Variants in RNF14 observed in about 807,000 individuals in gnomAD.
RNF14 encodes ring finger protein 14.
In RNF14, 26 loss-of-function variants were observed where a neutral mutation model predicts 52.6. That is an observed-to-expected ratio of 0.49 (90% CI 0.36 to 0.69). The LOEUF (loss-of-function observed/expected upper bound fraction) is 0.69. Among genes scored for constraint, RNF14 ranks in the 30% least tolerant of loss-of-function variants. RNF14 has a pLI of 0.00. For synonymous variants in RNF14, 194 were observed against 202.0 expected (o/e 0.96, Z 0.34); for missense variants, 404 against 560.4 (o/e 0.72, Z 2.82).
At chr5:141,979,233 G>GTTGTTGTTGT (rs1561552736) in intron 5 of RNF14, among the ~76,000 whole-genome samples, 3 of 150,744 alleles carry the variant, frequency 2.0e-5, no homozygotes, top group African/African-American at 7.3e-5. Flanking sequence ...GGTGGTGGTG[G>GTTGTTGTTGT]TGTTGTTGTT....
chr5:141,957,557 G>A (rs781007001), upstream of RNF14: 10 of 1,614,054 alleles, frequency 6.2e-6, no homozygotes, highest in Non-Finnish European at 6.8e-6. This position sits in a 1 kb window ranked among gnomAD's most constrained non-coding sequence, Gnocchi z 4.3. Context: ...TCCCACTGTC[G>A]GCACAGCTGC....
In RNF14 at chr5:141,978,509, A is replaced by G; in HGVS notation, c.513A>G (p.Gly171=). The change falls in exon 5 of 9, where the codon GGA becomes GGG. Residue 171 remains glycine, a synonymous_variant. Coordinates refer to ENST00000394520, the MANE Select transcript of RNF14 (RefSeq NM_004290.5). ...ASPNTELDFG[G]AAGSDVDQEE... ...CCAACACAGAGCTAGATTTTGGAGGAGCTGCTGGATCTGATGTAGACCAAG... is the reference window on the plus strand; with the variant it reads ...CCAACACAGAGCTAGATTTTGGAGGGGCTGCTGGATCTGATGTAGACCAAG... The G allele has an allele frequency of 6.2e-7, 1 of 1,614,168 alleles. No homozygotes were observed. Among genetic ancestry groups the G allele is most frequent in the Non-Finnish European group, 8.5e-7 (1 of 1,180,034 alleles).
rs1753681342 is a variant in RNF14, at chr5:141,970,882, TA to T, written c.-7+7del. 6.6e-6 allele frequency: 1 copy of T among 152,336 alleles called. No individual in the cohort carries two copies. Among genetic ancestry groups the T allele is most frequent in the Non-Finnish European group, 1.5e-5 (1 of 68,032 alleles). The allele number at this position is 152,336 out of a possible 1,614,324, so 9.4% of individuals were successfully genotyped here. On this transcript the variant is annotated splice_donor_region_variant and intron_variant, in intron 2 of 8. Transcript: ENST00000394520. ...TCTTCTGATTGTTATTAACAGGTACTAACTGACCTCAAGTAGAACATGTAAT... is the reference window on the plus strand; with the variant it reads ...TCTTCTGATTGTTATTAACAGGTACTACTGACCTCAAGTAGAACATGTAAT...
At chr5:141,965,115 C>G (rs1355171928), upstream of RNF14, among the ~76,000 whole-genome samples, 2 of 152,164 alleles carry the variant, frequency 1.3e-5, no homozygotes. Context: ...GTTTTCCTCT[C>G]CACACTGCTG....
intron 5 of RNF14, 122 bp from the exon 6 acceptor site, chr5:141,980,000 GA>G (rs1293124287): frequency 1.4e-6 from 1 of 739,538 alleles, no homozygotes. Flanking sequence ...GTTTGATTTT[GA>G]AGTGAAAGAG....
At chr5:141,986,502 T>C (rs2127063030) in intron 8 of RNF14, among the ~76,000 whole-genome samples, 1 of 152,362 alleles carries the variant, frequency 6.6e-6, no homozygotes, top group African/African-American at 2.4e-5. Flanking sequence ...TTGCCTGACT[T>C]CCCCAGTCTT....
upstream of RNF14, chr5:141,955,020 G>T (rs375930414): frequency 3.1e-6 from 5 of 1,614,044 alleles, no homozygotes; most frequent in African/African-American, 1.3e-5. The surrounding 1 kb of genome is among the most constrained non-coding windows in gnomAD (Gnocchi z 5.5). Flanking sequence ...GGTTCCGCTC[G>T]GCGAAGGCAG....
At chr5:141,952,650 G>A in the RNF14 span, 2 of 152,240 alleles carry the variant, frequency 1.3e-5, no homozygotes, top group African/African-American at 4.8e-5. Flanking sequence ...TCTAGTTCAA[G>A]GCCATTTGTA....
upstream of RNF14, among the ~76,000 whole-genome samples, chr5:141,965,978 T>TAA (rs545449787): frequency 1.7e-4 from 21 of 126,970 alleles, no homozygotes; most frequent in Middle Eastern, 4.0e-3. Context: ...ACTTAAAAGT[T>TAA]AAAAAAAAAA....
chr5:141,956,363 A>T (rs368653685), upstream of RNF14: 1 of 1,614,230 alleles, frequency 6.2e-7, no homozygotes. Context: ...TGGATGCGGT[A>T]TGAGACTTTT....
At chr5:141,955,499 C>T, upstream of RNF14, 1 of 1,614,162 alleles carries the variant, frequency 6.2e-7, no homozygotes, top group East Asian at 2.2e-5. This position sits in a 1 kb window ranked among gnomAD's most constrained non-coding sequence, Gnocchi z 5.5. Flanking sequence ...GGCTCACCTG[C>T]CTGACCCCTG....
chr5:141,966,281 G>A (rs777591216), upstream of RNF14, among the ~76,000 whole-genome samples: 2 of 151,876 alleles, frequency 1.3e-5, no homozygotes, highest in South Asian at 2.1e-4. Flanking sequence ...AGTGAGACTC[G>A]GTCTCAAAAA....
At chr5:141,951,613 T>TGACTCCACACAATTCC in the RNF14 span, 4 of 1,556,464 alleles carry the variant, frequency 2.6e-6, no homozygotes, top group Non-Finnish European at 3.5e-6. Flanking sequence ...AAAAATCTGT[T>TGACTCCACACAATTCC]GACTCCACAC....
At position 141,978,538 on chromosome 5, in the gene RNF14, A is replaced by T; in HGVS notation, c.542A>T (p.Glu181Val). Residue 181 changes from glutamate (E) to valine (V), a missense_variant, in exon 5 of 9, where the codon GAA (glutamate) becomes GTA (valine). Transcript: ENST00000394520. ...GAAGSDVDQE[E>V]IVDERAVQDV... ...GCTGGATCTGATGTAGACCAAGAGGAAATTGTGGATGAGAGAGCAGTGCAG... is the reference window on the plus strand; with the variant it reads ...GCTGGATCTGATGTAGACCAAGAGGTAATTGTGGATGAGAGAGCAGTGCAG... 1 of 1,614,182 alleles carries T rather than the reference A, an allele frequency of 6.2e-7. No homozygotes were observed. The highest frequency in any genetic ancestry group is 8.5e-7 in the Non-Finnish European group (1 of 1,180,026).
chr5:141,975,690 T>G (rs992176449), intron 4 of RNF14, among the ~76,000 whole-genome samples: 1 of 152,142 alleles, frequency 6.6e-6, no homozygotes, highest in African/African-American at 2.4e-5. Flanking sequence ...GAAGTCATAA[T>G]GAAGATCAAT....
the RNF14 span, chr5:141,953,072 C>G: frequency 1.3e-5 from 2 of 152,320 alleles, no homozygotes; most frequent in Admixed American, 1.3e-4. Flanking sequence ...CCACCCTTTG[C>G]TCAAGTGACA....
At chr5:141,981,290 A>C (rs944332046) in intron 6 of RNF14, among the ~76,000 whole-genome samples, 4 of 152,230 alleles carry the variant, frequency 2.6e-5, no homozygotes, top group African/African-American at 9.6e-5. Flanking sequence ...AAATCTAATA[A>C]AAATTTAGAC....
At chr5:141,954,706 C>G (rs1397938540), upstream of RNF14, among the ~76,000 whole-genome samples, 1 of 152,160 alleles carries the variant, frequency 6.6e-6, no homozygotes, top group East Asian at 1.9e-4. Flanking sequence ...CTGGACAACT[C>G]TACAAGGTAG....
chr5:141,965,954 AC>A (rs1753336524), upstream of RNF14, among the ~76,000 whole-genome samples: 1 of 150,970 alleles, frequency 6.6e-6, no homozygotes, highest in South Asian at 2.1e-4. Context: ...ACAAACCTGC[AC>A]ATGTACCCAT....
Sources: allele counts gnomAD v4.1 joint callset (sites outside exome capture counted in the v4.1 genomes callset), GRCh38; gene constraint gnomAD v4.1.1; non-coding constraint Gnocchi (gnomAD v3.1); transcripts MANE v1.5; gene names NCBI Gene and HGNC (gene_info 2026-07-23, HGNC 2026-07-21).